The following PI4KA variants were observed in gnomAD, a reference collection of about 807,000 sequenced individuals.
PI4KA encodes the protein PI4-kinase alpha.
PI4KA carries 122 observed loss-of-function variants against 271.4 expected under a neutral mutation model. That is an observed-to-expected ratio of 0.45 (90% CI 0.39 to 0.52). The LOEUF is 0.52. PI4KA is among the 20% of genes least tolerant of loss of function. PI4KA has a pLI of 0.00. For synonymous variants in PI4KA, 1,041 were observed against 1,078.8 expected, an observed-to-expected ratio of 0.96 and a Z score of 0.69; for missense variants, 1,969 against 2,769.1, an observed-to-expected ratio of 0.71 and a Z score of 6.48.
intron 2 of PI4KA, among the ~76,000 whole-genome samples, chr22:20,837,840 G>C (rs752197316): frequency 6.6e-6 from 1 of 152,078 alleles, no homozygotes; most frequent in African/African-American, 2.4e-5. Context: ...AGGCATGATG[G>C]CTCACACGTG....
intron 5 of PI4KA, among the ~76,000 whole-genome samples, 179 bp from the exon 6 acceptor site, chr22:20,820,079 C>T (rs1281759957): frequency 6.6e-6 from 1 of 152,232 alleles, no homozygotes; most frequent in Non-Finnish European, 1.5e-5. Context: ...TATCTTCAAC[C>T]TGTCATTAAC....
At chr22:20,739,120 C>T (rs1929088637) in intron 32 of PI4KA, among the ~76,000 whole-genome samples, 2 of 150,208 alleles carry the variant, frequency 1.3e-5, no homozygotes, top group East Asian at 2.0e-4. Context: ...CCGAGGCGGG[C>T]GGATCACAAG....
At chr22:20,808,144 G>A (rs918365976) in intron 9 of PI4KA, among the ~76,000 whole-genome samples, 2 of 151,640 alleles carry the variant, frequency 1.3e-5, no homozygotes, top group Non-Finnish European at 1.5e-5. Flanking sequence ...TACAAAATTA[G>A]CTGGGCGTGG....
intron 19 of PI4KA, among the ~76,000 whole-genome samples, chr22:20,786,697 G>T (rs923679959): frequency 6.6e-6 from 1 of 152,160 alleles, no homozygotes; most frequent in Non-Finnish European, 1.5e-5. Context: ...GCCTCTAAGT[G>T]CAACGGCTGC....
At position 20,798,691 on chromosome 22, in the gene PI4KA, G is replaced by A. The variant is rs201570041; in HGVS notation, c.2005-4C>T. ...ACACTTCCTGATAGATGTATTGCTG[G>A]GAGAGAGCAAGATGCACTGTCACCA... On this transcript the variant is annotated splice_polypyrimidine_tract_variant and splice_region_variant and intron_variant, in intron 16 of 54. Coordinates refer to ENST00000255882, the MANE Select transcript of PI4KA (RefSeq NM_058004.4). 748 of 1,597,738 alleles carry A rather than the reference G, an allele frequency of 4.7e-4. No homozygotes were observed. Among genetic ancestry groups the A allele is most frequent in the Admixed American group, 1.2e-3 (74 of 60,008 alleles).
intron 19 of PI4KA, chr22:20,786,965 G>A: frequency 6.2e-7 from 1 of 1,614,180 alleles, no homozygotes; most frequent in South Asian, 1.1e-5. Context: ...GTCCACCCAA[G>A]TCCGCTTCAC....
At chr22:20,846,500 G>A (rs371742542) in intron 1 of PI4KA, among the ~76,000 whole-genome samples, 2 of 152,018 alleles carry the variant, frequency 1.3e-5, no homozygotes, top group Admixed American at 6.6e-5. Flanking sequence ...ACACACAGTG[G>A]GGGGAACAAC....
At chr22:20,732,657 A>T (rs1344342888) in intron 36 of PI4KA, among the ~76,000 whole-genome samples, 4 of 152,246 alleles carry the variant, frequency 2.6e-5, no homozygotes, top group African/African-American at 9.6e-5. Context: ...GGTGTGCACC[A>T]GCCTCAGCCC....
At chr22:20,780,427 A>G (rs771357157) in intron 19 of PI4KA, among the ~76,000 whole-genome samples, 12 of 152,192 alleles carry the variant, frequency 7.9e-5, no homozygotes, top group Admixed American at 6.5e-5. Context: ...TGAGGTCATC[A>G]CTGTTATTAG....
Position 20,793,260 on chromosome 22 carries a change from T to G in PI4KA, c.2278-17A>C, listed in dbSNP as rs752064918. On this transcript the variant is annotated splice_polypyrimidine_tract_variant and intron_variant, in intron 18 of 54. Transcript: ENST00000255882. Reference sequence around the variant, plus strand: ...GCTAGAAGCCTAGAAAAGAACAGAATTATTGTCATTAACGAGTATGTGTTT... The same window carrying G: ...GCTAGAAGCCTAGAAAAGAACAGAAGTATTGTCATTAACGAGTATGTGTTT... The G allele has an allele frequency of 6.7e-7, 1 of 1,482,012 alleles. No homozygotes were observed. Among genetic ancestry groups the G allele is most frequent in the Non-Finnish European group, 9.4e-7 (1 of 1,061,306 alleles). The allele number at this position is 1,482,012 out of a possible 1,614,324, so 91.8% of individuals were successfully genotyped here. A position where few individuals can be genotyped will look rare whatever the true frequency, so the allele number is the denominator to read the frequency against.
chr22:20,786,214 C>T (rs867276510), intron 19 of PI4KA: 1 of 1,561,612 alleles, frequency 6.4e-7, no homozygotes, highest in Non-Finnish European at 8.8e-7. Context: ...CCCACCTCCA[C>T]TTGCCCTTCC....
chr22:20,713,609 C>CT (rs1421188644), intron 47 of PI4KA, among the ~76,000 whole-genome samples: 2 of 152,222 alleles, frequency 1.3e-5, no homozygotes, highest in East Asian at 3.8e-4. Flanking sequence ...AACATTTAGG[C>CT]TTAAATGGAA....
chr22:20,831,448 T>A (rs555334426), intron 3 of PI4KA, among the ~76,000 whole-genome samples: 1 of 152,040 alleles, frequency 6.6e-6, no homozygotes, highest in South Asian at 2.1e-4. Context: ...GTGCCTGTAG[T>A]CCCCAGTTAC....
At chr22:20,799,387 A>G (rs1935165745) in intron 15 of PI4KA, 111 bp from the exon 16 acceptor site, 1 of 1,050,012 alleles carries the variant, frequency 9.5e-7, no homozygotes, top group African/African-American at 1.7e-5. Context: ...GTCTTGATGC[A>G]GTGTTCATCT....
At chr22:20,842,542 G>A (rs907203501) in intron 1 of PI4KA, among the ~76,000 whole-genome samples, 2 of 152,186 alleles carry the variant, frequency 1.3e-5, no homozygotes, top group African/African-American at 4.8e-5. Flanking sequence ...GCCGGGCACC[G>A]TGGCTCACAC....
chr22:20,807,785 G>A (rs1437812646), intron 9 of PI4KA, among the ~76,000 whole-genome samples: 1 of 152,150 alleles, frequency 6.6e-6, no homozygotes, highest in Non-Finnish European at 1.5e-5. Flanking sequence ...AGTGGTGAAG[G>A]AGGAAGACTG....
chr22:20,732,416 T>C (rs1011254432), intron 36 of PI4KA, among the ~76,000 whole-genome samples: 1 of 152,158 alleles, frequency 6.6e-6, no homozygotes, highest in African/African-American at 2.4e-5. Flanking sequence ...CATGTTTTCA[T>C]TCGGCATACC....
At chr22:20,752,880 C>T (rs753683169) in intron 25 of PI4KA, 23 bp downstream of exon 25, 3 of 1,611,750 alleles carry the variant, frequency 1.9e-6, no homozygotes, top group Admixed American at 1.7e-5. Flanking sequence ...ACACACAAAA[C>T]ATTAGCAGGA....
intron 19 of PI4KA, among the ~76,000 whole-genome samples, chr22:20,774,305 T>C (rs555347156): frequency 1.3e-5 from 2 of 152,338 alleles, no homozygotes; most frequent in South Asian, 2.1e-4. Context: ...TATTATAAAA[T>C]TGTGTCAGTT....
Sources: allele counts gnomAD v4.1 joint callset (sites outside exome capture counted in the v4.1 genomes callset), GRCh38; gene constraint gnomAD v4.1.1; transcripts MANE v1.5; gene names NCBI Gene and HGNC (gene_info 2026-07-23, HGNC 2026-07-21).